The following MBD5 variants were observed in gnomAD, a reference collection of about 807,000 sequenced individuals.
MBD5 encodes methyl-CpG binding domain protein 5.
A neutral mutation model predicts 117.3 loss-of-function variants in MBD5; 13 were observed. The observed-to-expected ratio is 0.11, with a 90% confidence interval of 0.07 to 0.18. MBD5 has a LOEUF of 0.18. Among genes scored for constraint, MBD5 ranks in the 10% least tolerant of loss-of-function variants. The pLI is 1.00. For missense variants in MBD5, 1,879 were observed against 2,093.8 expected (o/e 0.90, Z 2.00); for synonymous variants, 727 against 766.4 (o/e 0.95, Z 0.85).
At chr2:148,139,261 C>T (rs1697248299) in intron 1 of MBD5, among the ~76,000 whole-genome samples, 1 of 151,954 alleles carries the variant, frequency 6.6e-6, no homozygotes, top group Admixed American at 6.6e-5. Context: ...GGCTGGAGTG[C>T]AGTGACGCAA....
intron 8 of MBD5, among the ~76,000 whole-genome samples, chr2:148,475,440 T>C (rs976809067): frequency 1.3e-5 from 2 of 152,078 alleles, no homozygotes; most frequent in Non-Finnish European, 2.9e-5. Flanking sequence ...TTATTCCAGG[T>C]TTAACGTTTC....
At chr2:148,141,305 A>G (rs1216201946) in intron 1 of MBD5, among the ~76,000 whole-genome samples, 1 of 152,128 alleles carries the variant, frequency 6.6e-6, no homozygotes, top group Non-Finnish European at 1.5e-5. Flanking sequence ...GGTTCTTGCA[A>G]TTGGAGACAC....
At chr2:148,506,533 A>G (rs1028731836) in intron 12 of MBD5, among the ~76,000 whole-genome samples, 1 of 152,250 alleles carries the variant, frequency 6.6e-6, no homozygotes, top group Non-Finnish European at 1.5e-5. Flanking sequence ...AATTTGTTAC[A>G]TACTGTATGA....
In MBD5 at chr2:148,378,801, A is replaced by G. The variant is rs570294216; in HGVS notation, c.-557+36465A>G. On this transcript the variant is annotated intron_variant, in intron 4 of 13. Coordinates refer to ENST00000642680, the MANE Select transcript of MBD5 (RefSeq NM_001378120.1). ...AATAATATATGTAGGAAAAATGCATATTTACAAATATGTGATTAGGTAATT... is the reference window on the plus strand; with the variant it reads ...AATAATATATGTAGGAAAAATGCATGTTTACAAATATGTGATTAGGTAATT... Among the ~76,000 whole-genome samples the G allele has an allele frequency of 1.8e-4, 27 of 152,178 alleles. 1 individual carries two copies. In the East Asian group the frequency reaches 5.0e-3, roughly 28 times the overall value.
chr2:148,325,258 T>C (rs994109226), intron 3 of MBD5, among the ~76,000 whole-genome samples: 1 of 152,226 alleles, frequency 6.6e-6, no homozygotes, highest in African/African-American at 2.4e-5. Context: ...TGAGGATTTT[T>C]GCATCAATGT....
At chr2:148,478,780 A>AT (rs555455589) in intron 8 of MBD5, among the ~76,000 whole-genome samples, 39 of 152,038 alleles carry the variant, frequency 2.6e-4, no homozygotes, top group African/African-American at 8.9e-4. Context: ...TGAAATAATC[A>AT]TTTTTTCCCA....
chr2:148,085,974 A>G (rs1695782290), intron 1 of MBD5, among the ~76,000 whole-genome samples: 1 of 152,192 alleles, frequency 6.6e-6, no homozygotes, highest in Non-Finnish European at 1.5e-5. Context: ...TCTTGGTGGA[A>G]GTACAGAGCT....
intron 1 of MBD5, among the ~76,000 whole-genome samples, chr2:148,088,168 A>G (rs951291552): frequency 6.6e-6 from 1 of 152,100 alleles, no homozygotes; most frequent in South Asian, 2.1e-4. Context: ...AGGCAAAGAA[A>G]AAAGAATTTA....
chr2:148,223,810 T>C (rs1025236224), intron 2 of MBD5, among the ~76,000 whole-genome samples: 1 of 152,154 alleles, frequency 6.6e-6, no homozygotes, highest in Admixed American at 6.5e-5. Context: ...AAGATGAATC[T>C]TTAGGTTGTC....
At chr2:148,231,144 G>T (rs1284925948) in intron 2 of MBD5, among the ~76,000 whole-genome samples, 1 of 151,478 alleles carries the variant, frequency 6.6e-6, no homozygotes, top group African/African-American at 2.4e-5. Flanking sequence ...CAGTCCTTAT[G>T]GCCTAGCCTG....
chr2:148,380,583 A>C (rs969396708), intron 4 of MBD5, among the ~76,000 whole-genome samples: 13 of 152,368 alleles, frequency 8.5e-5, no homozygotes, highest in Middle Eastern at 3.4e-3. Context: ...ATATAGTCTT[A>C]ATCACTTGCA....
chr2:148,488,227 C>T (rs1194477693), intron 10 of MBD5, among the ~76,000 whole-genome samples: 2 of 152,160 alleles, frequency 1.3e-5, no homozygotes, highest in Non-Finnish European at 2.9e-5. Context: ...TGTGAGAATT[C>T]TTGCCTGATG....
chr2:148,318,647 C>T (rs1405975379), intron 3 of MBD5, among the ~76,000 whole-genome samples: 1 of 151,978 alleles, frequency 6.6e-6, no homozygotes, highest in Non-Finnish European at 1.5e-5. Flanking sequence ...TGGTGATATA[C>T]AAAAATTCTT....
At chr2:148,369,431 C>T (rs1703793014) in intron 4 of MBD5, among the ~76,000 whole-genome samples, 1 of 151,852 alleles carries the variant, frequency 6.6e-6, no homozygotes, top group Admixed American at 6.6e-5. Flanking sequence ...AGAGAATATC[C>T]CTGTTCTAAG....
intron 4 of MBD5, among the ~76,000 whole-genome samples, chr2:148,425,307 A>G (rs1203888173): frequency 6.6e-6 from 1 of 152,242 alleles, no homozygotes. Context: ...AAATTCCTGG[A>G]CACATACACT....
chr2:148,376,562 C>G (rs1213091961), intron 4 of MBD5, among the ~76,000 whole-genome samples: 1 of 149,550 alleles, frequency 6.7e-6, no homozygotes, highest in Admixed American at 6.7e-5. Context: ...CCACCGCGCC[C>G]GGCCAAAAAT....
chr2:148,051,161 A>G (rs957901651), intron 1 of MBD5, among the ~76,000 whole-genome samples: 5 of 152,034 alleles, frequency 3.3e-5, no homozygotes, highest in African/African-American at 1.2e-4. Flanking sequence ...ATTCTTAAGT[A>G]TTTTATTCCA....
chr2:148,109,662 T>G (rs949730021), intron 1 of MBD5, among the ~76,000 whole-genome samples: 2 of 152,180 alleles, frequency 1.3e-5, no homozygotes, highest in Non-Finnish European at 2.9e-5. Flanking sequence ...TGTGTACATT[T>G]AAAATATGCA....
At chr2:148,040,794 G>C (rs1694334611) in intron 1 of MBD5, among the ~76,000 whole-genome samples, 1 of 152,136 alleles carries the variant, frequency 6.6e-6, no homozygotes, top group Non-Finnish European at 1.5e-5. Context: ...TCTTGGCCCT[G>C]TGGGTGCACA....
Sources: gnomAD v4.1 joint callset for allele counts (sites outside exome capture counted in the v4.1 genomes callset) on GRCh38, gnomAD v4.1.1 for gene constraint, MANE v1.5 for transcripts, NCBI Gene and HGNC (gene_info 2026-07-23, HGNC 2026-07-21) for gene names.